Variants in GRIA4 observed in about 807,000 individuals in gnomAD.
GRIA4 encodes the protein glutamate receptor 4.
GRIA4 carries 34 observed loss-of-function variants against 104.0 expected under a neutral mutation model. The ratio of observed to expected loss-of-function variants is 0.33; its 90% CI spans 0.25 to 0.44. The LOEUF is 0.44. Among genes scored for constraint, GRIA4 ranks in the 20% least tolerant of loss-of-function variants. The pLI is 1.00. For missense variants in GRIA4, 750 were observed against 1,096.5 expected, an observed-to-expected ratio of 0.68 and a Z score of 4.46; for synonymous variants, 386 against 381.9, an observed-to-expected ratio of 1.01 and a Z score of -0.13.
chr11:105,629,910 C>A (rs1950988449), intron 3 of GRIA4, among the ~76,000 whole-genome samples: 1 of 152,170 alleles, frequency 6.6e-6, no homozygotes, highest in Admixed American at 6.5e-5. Context: ...CATTTGCTTA[C>A]TATAGCTCAT....
chr11:105,705,831 A>G (rs1211797799), intron 3 of GRIA4, among the ~76,000 whole-genome samples: 1 of 152,192 alleles, frequency 6.6e-6, no homozygotes, highest in Non-Finnish European at 1.5e-5. Flanking sequence ...ACCTTTTTGG[A>G]GAGGAATTTA....
At chr11:105,938,208 C>A (rs1948097836) in intron 14 of GRIA4, among the ~76,000 whole-genome samples, 1 of 152,150 alleles carries the variant, frequency 6.6e-6, no homozygotes, top group South Asian at 2.1e-4. Context: ...ATGTTATTAT[C>A]CTAAGGAGCT....
chr11:105,673,120 G>C (rs907855929), intron 3 of GRIA4, among the ~76,000 whole-genome samples: 1 of 151,970 alleles, frequency 6.6e-6, no homozygotes. Flanking sequence ...CACCTCTCCA[G>C]TCTCACTGCA....
At chr11:105,709,766 C>T (rs776505753) in intron 3 of GRIA4, among the ~76,000 whole-genome samples, 1 of 152,066 alleles carries the variant, frequency 6.6e-6, no homozygotes, top group Non-Finnish European at 1.5e-5. Context: ...ATACTACCAC[C>T]TCCATTAAGA....
At chr11:105,641,627 A>C (rs568637395) in intron 3 of GRIA4, among the ~76,000 whole-genome samples, 114 of 152,290 alleles carry the variant, frequency 7.5e-4, no homozygotes, top group Middle Eastern at 3.4e-3. Context: ...GGTCATGTGA[A>C]TCCAAAGGGC....
chr11:105,682,888 G>C (rs181794018), intron 3 of GRIA4, among the ~76,000 whole-genome samples: 1 of 152,204 alleles, frequency 6.6e-6, no homozygotes, highest in African/African-American at 2.4e-5. Flanking sequence ...TATACTCCTG[G>C]TGTGAGCAAT....
At chr11:105,744,044 G>C (rs1939495183) in intron 3 of GRIA4, among the ~76,000 whole-genome samples, 1 of 151,656 alleles carries the variant, frequency 6.6e-6, no homozygotes, top group Non-Finnish European at 1.5e-5. Context: ...AACTTCCACA[G>C]ACAGGTAGGA....
At chr11:105,640,170 A>T (rs776591750) in intron 3 of GRIA4, among the ~76,000 whole-genome samples, 1 of 151,946 alleles carries the variant, frequency 6.6e-6, no homozygotes, top group Non-Finnish European at 1.5e-5. Flanking sequence ...CATTCAGAAA[A>T]GGAAAATAAA....
At chr11:105,927,646 T>C (rs1234936750) in intron 13 of GRIA4, among the ~76,000 whole-genome samples, 1 of 152,038 alleles carries the variant, frequency 6.6e-6, no homozygotes, top group Non-Finnish European at 1.5e-5. Context: ...ATCGGAACAA[T>C]AGAGGTTTTT....
At chr11:105,775,289 T>A (rs1316222225) in intron 4 of GRIA4, among the ~76,000 whole-genome samples, 1 of 152,128 alleles carries the variant, frequency 6.6e-6, no homozygotes, top group Non-Finnish European at 1.5e-5. Context: ...ATTTTTCACA[T>A]AAGACAATAT....
At chr11:105,717,609 A>G (rs1954138875) in intron 3 of GRIA4, among the ~76,000 whole-genome samples, 1 of 152,092 alleles carries the variant, frequency 6.6e-6, no homozygotes, top group Admixed American at 6.6e-5. Context: ...AATTTTCCCA[A>G]CTTTCAAGTC....
chr11:105,836,065 C>T (rs1944172444), intron 4 of GRIA4, among the ~76,000 whole-genome samples: 1 of 152,074 alleles, frequency 6.6e-6, no homozygotes, highest in Non-Finnish European at 1.5e-5. Context: ...TCAGTAATTG[C>T]TTCCTTAGCT....
intron 3 of GRIA4, among the ~76,000 whole-genome samples, chr11:105,745,916 C>T (rs971424626): frequency 1.3e-5 from 2 of 152,082 alleles, no homozygotes; most frequent in Non-Finnish European, 2.9e-5. Flanking sequence ...CAATGTTCTG[C>T]TGAGTATTCC....
chr11:105,653,999 CAAAAAAAAAAAAAAA>C, intron 3 of GRIA4, among the ~76,000 whole-genome samples: 4 of 50,286 alleles, frequency 8.0e-5, no homozygotes, highest in Admixed American at 3.4e-4. Flanking sequence ...ACTATTTAGC[CAAAAAAAAAAAAAAA>C]AAAAAAAAAA....
rs200031772 is a variant in GRIA4 at position 105,781,604 on chromosome 11, C to T, written c.487+28384C>T. Among the ~76,000 whole-genome samples the T allele has an allele frequency of 3.3e-4, 50 of 152,168 alleles. No individual in the cohort carries two copies. The East Asian group carries it at 3.5e-3, about 11-fold the overall frequency. On this transcript the variant is annotated intron_variant, in intron 4 of 16. Coordinates refer to ENST00000282499, the MANE Select transcript of GRIA4 (RefSeq NM_000829.4). ...AAAGGGAATGCATCTATATAGAGTA[C>T]GTCTTAGTTCTTAAAGAAAAAAATT...
At chr11:105,626,567 G>T (rs946552519) in intron 3 of GRIA4, among the ~76,000 whole-genome samples, 6 of 152,084 alleles carry the variant, frequency 3.9e-5, no homozygotes, top group Non-Finnish European at 8.8e-5. Context: ...TTGAAATTGT[G>T]AATCATTTGA....
chr11:105,744,420 C>A (rs1421888872), intron 3 of GRIA4, among the ~76,000 whole-genome samples: 1 of 152,058 alleles, frequency 6.6e-6, no homozygotes, highest in Non-Finnish European at 1.5e-5. Context: ...AACCAAGAAA[C>A]AGTTATATTC....
intron 3 of GRIA4, among the ~76,000 whole-genome samples, chr11:105,708,418 C>A (rs760533898): frequency 6.6e-6 from 1 of 151,994 alleles, no homozygotes; most frequent in Non-Finnish European, 1.5e-5. Flanking sequence ...TAAAAACAAC[C>A]AACCAGAATG....
intron 3 of GRIA4, among the ~76,000 whole-genome samples, chr11:105,622,050 A>G (rs915827592): frequency 6.6e-6 from 1 of 151,712 alleles, no homozygotes; most frequent in Non-Finnish European, 1.5e-5. Context: ...TTTACATACT[A>G]TAGAAATTAA....
Sources: gnomAD v4.1 joint callset for allele counts (sites outside exome capture counted in the v4.1 genomes callset) on GRCh38, gnomAD v4.1.1 for gene constraint, MANE v1.5 for transcripts, NCBI Gene and HGNC (gene_info 2026-07-23, HGNC 2026-07-21) for gene names.